Variants in ZBTB20 observed in about 807,000 individuals in gnomAD.
ZBTB20 encodes the protein zinc finger and BTB domain-containing protein 20.
ZBTB20 carries 9 observed loss-of-function variants against 56.9 expected under a neutral mutation model. That is an observed-to-expected ratio of 0.16 (90% CI 0.10 to 0.28). The LOEUF is 0.28. Ranked by LOEUF, ZBTB20 falls within the 10% of genes least tolerant of loss-of-function variation. ZBTB20 has a pLI of 1.00. For synonymous variants in ZBTB20, 417 were observed against 420.7 expected, an observed-to-expected ratio of 0.99 and a Z score of 0.11; for missense variants, 655 against 1,003.0, an observed-to-expected ratio of 0.65 and a Z score of 4.69.
intron 6 of ZBTB20, among the ~76,000 whole-genome samples, chr3:114,650,522 A>G (rs1467845135): frequency 6.6e-6 from 1 of 151,974 alleles, no homozygotes; most frequent in Admixed American, 6.6e-5. Flanking sequence ...AAGAAAACAA[A>G]AAACATAGCA....
intron 2 of ZBTB20, among the ~76,000 whole-genome samples, chr3:115,036,303 TTTC>T (rs2080916896): frequency 6.6e-6 from 1 of 152,130 alleles, no homozygotes. Flanking sequence ...TTTTTTTTTC[TTTC>T]TTTTTTTTTT....
chr3:114,989,350 A>C (rs552227352), intron 2 of ZBTB20, among the ~76,000 whole-genome samples: 1 of 152,294 alleles, frequency 6.6e-6, no homozygotes, highest in East Asian at 1.9e-4. Context: ...ACCATTTATT[A>C]AATAGGGAAT....
chr3:114,592,656 CT>C (rs2055891416), intron 6 of ZBTB20, among the ~76,000 whole-genome samples: 1 of 152,172 alleles, frequency 6.6e-6, no homozygotes, highest in African/African-American at 2.4e-5. Flanking sequence ...TACTAACTTA[CT>C]TTTAAATTTC....
chr3:114,715,701 C>G (rs1483235693), intron 5 of ZBTB20, among the ~76,000 whole-genome samples: 1 of 152,092 alleles, frequency 6.6e-6, no homozygotes, highest in East Asian at 1.9e-4. Context: ...ATAACTTGTC[C>G]CTTCCAGAAT....
At chr3:114,492,258 C>A (rs1299797389) in intron 7 of ZBTB20, among the ~76,000 whole-genome samples, 3 of 152,210 alleles carry the variant, frequency 2.0e-5, no homozygotes, top group African/African-American at 7.2e-5. Flanking sequence ...TGTCTCCAGC[C>A]TTCATGTTAC....
intron 5 of ZBTB20, among the ~76,000 whole-genome samples, chr3:114,785,058 C>T (rs962716615): frequency 1.3e-5 from 2 of 152,140 alleles, no homozygotes; most frequent in African/African-American, 4.8e-5. Context: ...ACCAGACATA[C>T]TCCAGAATCC....
intron 5 of ZBTB20, among the ~76,000 whole-genome samples, chr3:114,777,139 A>C (rs970189158): frequency 6.6e-6 from 1 of 152,198 alleles, no homozygotes; most frequent in Non-Finnish European, 1.5e-5. Context: ...ACTTTCCTTT[A>C]GCTATTCAAA....
chr3:114,824,948 A>AT (rs2073446681), intron 4 of ZBTB20, among the ~76,000 whole-genome samples: 1 of 151,902 alleles, frequency 6.6e-6, no homozygotes, highest in East Asian at 1.9e-4. Flanking sequence ...AATTTTTGTA[A>AT]TTTGTGACCA....
chr3:114,673,998 CAA>C (rs1305461496), intron 6 of ZBTB20, among the ~76,000 whole-genome samples: 4 of 151,994 alleles, frequency 2.6e-5, no homozygotes, highest in Non-Finnish European at 5.9e-5. Flanking sequence ...TTTAGGAAAC[CAA>C]AATATATAGA....
intron 4 of ZBTB20, among the ~76,000 whole-genome samples, chr3:114,894,958 C>G (rs576771423): frequency 6.6e-6 from 1 of 151,996 alleles, no homozygotes; most frequent in Non-Finnish European, 1.5e-5. Flanking sequence ...ATAATCAATT[C>G]TATATATATT....
At chr3:114,963,226 G>C (rs1314690131) in intron 3 of ZBTB20, among the ~76,000 whole-genome samples, 2 of 152,016 alleles carry the variant, frequency 1.3e-5, no homozygotes, top group Non-Finnish European at 2.9e-5. Flanking sequence ...ACTCTCTATA[G>C]AGAAGTTTAA....
chr3:114,913,517 C>G (rs2075624057), intron 3 of ZBTB20, among the ~76,000 whole-genome samples: 1 of 152,054 alleles, frequency 6.6e-6, no homozygotes, highest in South Asian at 2.1e-4. Flanking sequence ...CAAACACTTT[C>G]TCTCATTCTG....
intron 6 of ZBTB20, chr3:114,527,191 C>A (rs2047323161): frequency 6.6e-6 from 1 of 151,978 alleles, no homozygotes; most frequent in Non-Finnish European, 1.5e-5. Context: ...TAAAAGAAGG[C>A]CAAAATGTAA....
intron 4 of ZBTB20, among the ~76,000 whole-genome samples, chr3:114,833,908 T>C (rs891399354): frequency 6.6e-6 from 1 of 152,002 alleles, no homozygotes; most frequent in Non-Finnish European, 1.5e-5. Context: ...TTAAAATAAG[T>C]TGTACAAGTT....
At chr3:114,795,877 G>C (rs2071311086) in intron 5 of ZBTB20, among the ~76,000 whole-genome samples, 1 of 151,990 alleles carries the variant, frequency 6.6e-6, no homozygotes, top group African/African-American at 2.4e-5. Context: ...AGACTCAGTA[G>C]GGCTAAGAAA....
chr3:114,351,664 G>A lies in ZBTB20; in HGVS notation c.414C>T (p.Ser138=). ...FFQDKLLLGY[S]DIEIPSVVSV... is the part of the protein sequence containing the mutation. ...ACACCACCGACGGGATCTCGATGTC[G>A]CTGTAGCCAAGCAGCAGTTTGTCCT... The change falls in exon 11 of 12, where the codon AGC becomes AGT. Residue 138 remains serine (S), a synonymous_variant. Coordinates refer to ENST00000675478, the MANE Select transcript of ZBTB20 (RefSeq NM_001348800.3). 6.2e-7 allele frequency: 1 copy of A among 1,614,060 alleles called. No individual in the cohort carries two copies. Among genetic ancestry groups the A allele is most frequent in the South Asian group, 1.1e-5 (1 of 91,074 alleles).
intron 1 of ZBTB20, among the ~76,000 whole-genome samples, chr3:115,124,462 A>T (rs1465865810): frequency 6.6e-6 from 1 of 152,220 alleles, no homozygotes; most frequent in East Asian, 1.9e-4. Flanking sequence ...ACTAGGTTGT[A>T]TATATAAAAA....
intron 4 of ZBTB20, among the ~76,000 whole-genome samples, chr3:114,831,644 G>A (rs973830298): frequency 6.6e-6 from 1 of 152,024 alleles, no homozygotes; most frequent in African/African-American, 2.4e-5. Context: ...GTATAGGAGT[G>A]AATGAATACT....
chr3:114,433,360 A>C lies in ZBTB20; in HGVS notation c.-254-44255T>G, dbSNP rs534450214. Among the ~76,000 whole-genome samples the C allele has an allele frequency of 1.2e-3, 178 of 152,324 alleles. 1 individual carries two copies. The highest frequency in any genetic ancestry group is 4.2e-3 in the African/African-American group (174 of 41,580). ...GTGGGACACCTCTACTTTATTCTATACTTTTAATAAATACATCAATAATAA... is the reference window on the plus strand; with the variant it reads ...GTGGGACACCTCTACTTTATTCTATCCTTTTAATAAATACATCAATAATAA... On this transcript the variant is annotated intron_variant, in intron 7 of 11. Coordinates refer to ENST00000675478, the MANE Select transcript of ZBTB20 (RefSeq NM_001348800.3).
Sources: allele counts gnomAD v4.1 joint callset (sites outside exome capture counted in the v4.1 genomes callset), GRCh38; gene constraint gnomAD v4.1.1; transcripts MANE v1.5; gene names NCBI Gene and HGNC (gene_info 2026-07-23, HGNC 2026-07-21).